Variants in CNBD1 observed in about 807,000 individuals in gnomAD.
CNBD1 encodes cyclic nucleotide-binding domain-containing protein 1.
In CNBD1, 71 loss-of-function variants were observed where a neutral mutation model predicts 54.4. That is an observed-to-expected ratio of 1.30 (90% CI 1.08 to 1.59). The LOEUF is 1.59. Among genes scored for constraint, CNBD1 ranks in the 40% most tolerant of loss-of-function variants. The pLI is 0.00. For synonymous variants in CNBD1, 182 were observed against 170.7 expected, an observed-to-expected ratio of 1.07 and a Z score of -0.51; for missense variants, 659 against 518.0, an observed-to-expected ratio of 1.27 and a Z score of -2.64.
intron 3 of CNBD1, among the ~76,000 whole-genome samples, chr8:86,906,953 ATTTG>A (rs1193985133): frequency 7.2e-5 from 11 of 152,210 alleles, no homozygotes; most frequent in Admixed American, 5.9e-4. Flanking sequence ...ACTAATTAAG[ATTTG>A]TTTAAGTGTC....
At chr8:87,368,291 T>C (rs561984245) in intron 10 of CNBD1, among the ~76,000 whole-genome samples, 28 of 152,044 alleles carry the variant, frequency 1.8e-4, no homozygotes, top group Non-Finnish European at 3.7e-4. Context: ...TATATCCCAA[T>C]AAATCTTAAG....
chr8:87,051,170 G>T (rs1810303138), intron 4 of CNBD1, among the ~76,000 whole-genome samples: 1 of 152,168 alleles, frequency 6.6e-6, no homozygotes, highest in Admixed American at 6.5e-5. Flanking sequence ...ACAGCTGAGG[G>T]TCTGAGAAAA....
intron 8 of CNBD1, among the ~76,000 whole-genome samples, chr8:87,350,825 C>CAATT (rs112391169): frequency 0.024 from 3,672 of 151,876 alleles, 150 homozygotes; most frequent in African/African-American, 0.081. Context: ...TATATATTGC[C>CAATT]AAGTATTTAA....
At chr8:87,175,432 G>T (rs1813177365) in intron 4 of CNBD1, among the ~76,000 whole-genome samples, 1 of 152,090 alleles carries the variant, frequency 6.6e-6, no homozygotes, top group Non-Finnish European at 1.5e-5. Flanking sequence ...AGTTATTCAG[G>T]ACCCAAGCTC....
intron 2 of CNBD1, among the ~76,000 whole-genome samples, chr8:87,400,165 A>G (rs1042842046): frequency 1.6e-4 from 25 of 151,970 alleles, no homozygotes; most frequent in Non-Finnish European, 3.5e-4. Flanking sequence ...GTGAACTACC[A>G]ATTATCCATC....
chr8:87,245,716 C>T lies in CNBD1; in HGVS notation c.771+8604C>T, dbSNP rs190431607. Among the ~76,000 whole-genome samples the T allele has an allele frequency of 1.2e-3, 184 of 151,888 alleles. 2 individuals are homozygous for T. In the South Asian group the frequency reaches 0.013, roughly 11 times the overall value. On this transcript the variant is annotated intron_variant, in intron 6 of 10. Coordinates refer to ENST00000518476, the MANE Select transcript of CNBD1 (RefSeq NM_173538.3). ...CGCCTGATATTGTGTACTCGTTTTACTTTTGTTTTCTTTGTCTTTTTACCT... is the reference window on the plus strand; with the variant it reads ...CGCCTGATATTGTGTACTCGTTTTATTTTTGTTTTCTTTGTCTTTTTACCT...
intron 6 of CNBD1, among the ~76,000 whole-genome samples, chr8:87,265,979 T>C (rs1808247936): frequency 6.6e-6 from 1 of 152,216 alleles, no homozygotes; most frequent in South Asian, 2.1e-4. Context: ...TAAAAGATTC[T>C]ATTTAAGTAG....
chr8:86,951,853 C>A (rs1289084498), intron 4 of CNBD1, among the ~76,000 whole-genome samples: 3 of 151,754 alleles, frequency 2.0e-5, no homozygotes, highest in African/African-American at 7.3e-5. Flanking sequence ...AGGGAAAAAT[C>A]AAGCTGGGAA....
chr8:87,113,226 AG>A (rs1316341955), intron 4 of CNBD1, among the ~76,000 whole-genome samples: 4 of 152,208 alleles, frequency 2.6e-5, no homozygotes, highest in Admixed American at 6.5e-5. Flanking sequence ...GGCAGTAGGT[AG>A]GGGATGCATA....
rs142409798 is a variant in CNBD1, at chr8:87,055,733, T to C, written c.431+115979T>C. 6.2e-3 allele frequency among the ~76,000 whole-genome samples: 941 copies of C among 151,840 alleles called. 15 individuals are homozygous for C. The highest frequency in any genetic ancestry group is 0.016 in the East Asian group (82 of 5,130). ...CTTCCTTCCTTCCTTCTTTTTTCTTTCTTTTCTTCCTTCCTTTTCTCCTTC... is the reference window on the plus strand; with the variant it reads ...CTTCCTTCCTTCCTTCTTTTTTCTTCCTTTTCTTCCTTCCTTTTCTCCTTC... On this transcript the variant is annotated intron_variant, in intron 4 of 10. Coordinates refer to ENST00000518476, the MANE Select transcript of CNBD1 (RefSeq NM_173538.3).
intron 10 of CNBD1, among the ~76,000 whole-genome samples, chr8:87,369,564 T>C (rs1422665294): frequency 2.0e-5 from 3 of 151,934 alleles, no homozygotes. Flanking sequence ...TGAAGATTAG[T>C]TTTGTTAGAT....
intron 5 of CNBD1, among the ~76,000 whole-genome samples, chr8:87,225,391 CTTA>C: frequency 6.6e-6 from 1 of 152,070 alleles, no homozygotes; most frequent in African/African-American, 2.4e-5. Flanking sequence ...TGTCATAGCT[CTTA>C]TTATTTTGAA....
At chr8:86,997,992 C>T (rs1808913643) in intron 4 of CNBD1, among the ~76,000 whole-genome samples, 1 of 152,086 alleles carries the variant, frequency 6.6e-6, no homozygotes, top group African/African-American at 2.4e-5. Flanking sequence ...CCATAATGTA[C>T]TCGGGATTCC....
chr8:86,992,246 C>T lies in CNBD1; in HGVS notation c.431+52492C>T, dbSNP rs191038141. Reference sequence around the variant, plus strand: ...TTAAGTCTTTTTTTTTAAAATTATACGCCTTATCGTTAGGTAATGCCCTTT... The same window carrying T: ...TTAAGTCTTTTTTTTTAAAATTATATGCCTTATCGTTAGGTAATGCCCTTT... On this transcript the variant is annotated intron_variant, in intron 4 of 10. Coordinates refer to ENST00000518476, the MANE Select transcript of CNBD1 (RefSeq NM_173538.3). 2.4e-4 allele frequency among the ~76,000 whole-genome samples: 37 copies of T among 151,908 alleles called. No homozygotes were observed. In the East Asian group the frequency reaches 2.7e-3, roughly 11 times the overall value.
At chr8:87,217,913 A>G (rs62527354) in intron 5 of CNBD1, among the ~76,000 whole-genome samples, 7,732 of 152,132 alleles carry the variant, frequency 0.051, 232 homozygotes, top group Non-Finnish European at 0.065. Context: ...CCTTTCTGAG[A>G]TTTTTGTTTG....
At chr8:87,253,160 T>G (rs977425146) in intron 6 of CNBD1, among the ~76,000 whole-genome samples, 3 of 152,180 alleles carry the variant, frequency 2.0e-5, no homozygotes, top group African/African-American at 7.2e-5. Flanking sequence ...GAATATATTC[T>G]CTTTTTCCCT....
At chr8:87,315,836 G>T (rs1809373912) in intron 8 of CNBD1, among the ~76,000 whole-genome samples, 2 of 152,046 alleles carry the variant, frequency 1.3e-5, no homozygotes, top group Admixed American at 1.3e-4. Flanking sequence ...ATATTTTAAA[G>T]TAGGTAGCAG....
At chr8:87,263,208 A>G (rs1434510604) in intron 6 of CNBD1, among the ~76,000 whole-genome samples, 1 of 152,164 alleles carries the variant, frequency 6.6e-6, no homozygotes, top group Non-Finnish European at 1.5e-5. Context: ...GTCCTTGTCA[A>G]CTATGATGAC....
chr8:86,947,451 G>T (rs747546942), intron 4 of CNBD1, among the ~76,000 whole-genome samples: 14 of 152,046 alleles, frequency 9.2e-5, no homozygotes, highest in Admixed American at 1.3e-4. Context: ...TCAGTGTATG[G>T]TTAAATGTTC....
Sources: allele counts gnomAD v4.1 joint callset (sites outside exome capture counted in the v4.1 genomes callset), GRCh38; gene constraint gnomAD v4.1.1; transcripts MANE v1.5; gene names NCBI Gene and HGNC (gene_info 2026-07-23, HGNC 2026-07-21).